The following TMOD2 variants were observed in gnomAD, a reference collection of about 807,000 sequenced individuals.
The protein encoded by TMOD2 is tropomodulin-2.
TMOD2 carries 22 observed loss-of-function variants against 39.9 expected under a neutral mutation model. That is an observed-to-expected ratio of 0.55 (90% CI 0.39 to 0.79). The LOEUF (loss-of-function observed/expected upper bound fraction) is 0.79. TMOD2 is among the 30% of genes least tolerant of loss of function. TMOD2 has a pLI of 0.00. For missense variants in TMOD2, 386 were observed against 413.3 expected, an observed-to-expected ratio of 0.93 and a Z score of 0.57; for synonymous variants, 123 against 146.1, an observed-to-expected ratio of 0.84 and a Z score of 1.14.
At chr15:51,763,073 TA>T (rs2055792152) in intron 1 of TMOD2, among the ~76,000 whole-genome samples, 2 of 151,530 alleles carry the variant, frequency 1.3e-5, no homozygotes, top group Non-Finnish European at 2.9e-5. Context: ...TAACTGGGAC[TA>T]CAGGCATGTG....
At chr15:51,775,458 A>G (rs12903781) in intron 4 of TMOD2, among the ~76,000 whole-genome samples, 19,567 of 152,116 alleles carry the variant, frequency 0.13, 1,614 homozygotes, top group East Asian at 0.26. Flanking sequence ...CTTGGTGAGC[A>G]TAGGGCCAGA....
chr15:51,798,471 GT>G, intron 8 of TMOD2, 131 bp downstream of exon 8: 1 of 1,145,762 alleles, frequency 8.7e-7, no homozygotes, highest in Non-Finnish European at 1.2e-6. Context: ...TTTCCTGTAA[GT>G]TTTAGAACCA....
At chr15:51,767,425 A>G (rs1262236030) in intron 2 of TMOD2, among the ~76,000 whole-genome samples, 1 of 152,234 alleles carries the variant, frequency 6.6e-6, no homozygotes, top group African/African-American at 2.4e-5. Context: ...GACTGACTAT[A>G]ATCATGATAC....
chr15:51,759,171 G>A (rs189472787), intron 1 of TMOD2, among the ~76,000 whole-genome samples: 3 of 151,498 alleles, frequency 2.0e-5, no homozygotes, highest in Admixed American at 6.6e-5. Context: ...GTGATTGATG[G>A]CTGGAAAAGA....
rs954306860 is a variant in TMOD2 at position 51,811,466 on chromosome 15, A to G, written c.*3012A>G. 6.6e-6 allele frequency: 1 copy of G among 152,156 alleles called. No individual in the cohort carries two copies. The highest frequency in any genetic ancestry group is 1.5e-5 in the Non-Finnish European group (1 of 68,032). 9.4% of individuals were successfully genotyped at this position (152,156 alleles called of 1,614,324 possible). ...CACTCACCTGGACTTGTGGGCTTGT[A>G]TCACCAACATCTATTATGGCACATG... On this transcript the variant is annotated 3_prime_UTR_variant, in exon 10 of 10. Coordinates refer to ENST00000249700, the MANE Select transcript of TMOD2 (RefSeq NM_014548.4).
chr15:51,774,246 A>G (rs1328845690), intron 4 of TMOD2, among the ~76,000 whole-genome samples: 1 of 152,264 alleles, frequency 6.6e-6, no homozygotes, highest in Non-Finnish European at 1.5e-5. Flanking sequence ...TAAGAAGTCC[A>G]TTAGCCTTCT....
intron 5 of TMOD2, 90 bp from the exon 6 acceptor site, chr15:51,780,954 C>A: frequency 2.0e-6 from 2 of 1,025,422 alleles, no homozygotes; most frequent in Non-Finnish European, 2.9e-6. Context: ...TTGGAATCAG[C>A]ATATGAAAGA....
intron 8 of TMOD2, among the ~76,000 whole-genome samples, chr15:51,802,915 G>C (rs2056099136): frequency 2.0e-5 from 3 of 152,158 alleles, no homozygotes; most frequent in Non-Finnish European, 4.4e-5. Flanking sequence ...AAAGAGATAA[G>C]CCTTAAACTT....
At chr15:51,775,766 C>CG (rs765095582) in intron 4 of TMOD2, among the ~76,000 whole-genome samples, 10 of 151,694 alleles carry the variant, frequency 6.6e-5, no homozygotes, top group African/African-American at 2.4e-4. Context: ...TTTGTAGAGA[C>CG]GGGGCTTCGC....
intron 6 of TMOD2, 39 bp downstream of exon 6, chr15:51,781,213 A>G (rs763970917): frequency 3.8e-6 from 6 of 1,562,010 alleles, no homozygotes; most frequent in African/African-American, 1.4e-5. Context: ...TTAATTTATC[A>G]TGAGGTCAGA....
chr15:51,776,070 G>C (rs78565107), intron 4 of TMOD2, among the ~76,000 whole-genome samples: 18,884 of 152,152 alleles, frequency 0.12, 1,529 homozygotes, highest in Admixed American at 0.24. Context: ...CAGGATTCTT[G>C]ACTGCTCCCA....
chr15:51,754,818 A>G lies in TMOD2; in HGVS notation c.-70+3106A>G, dbSNP rs143933345. Among the ~76,000 whole-genome samples, 21 of 152,340 alleles carry G rather than the reference A, an allele frequency of 1.4e-4. 1 individual carries two copies. The highest frequency in any genetic ancestry group is 5.9e-4 in the Admixed American group (9 of 15,304). ...GGATGTAAATGGGGTGGGAATGTCC[A>G]TAGGATGTGATATGTAATGTTTCCC... On this transcript the variant is annotated intron_variant, in intron 1 of 9. Transcript: ENST00000249700.
chr15:51,784,811 A>C (rs955163333), intron 7 of TMOD2: 1 of 152,206 alleles, frequency 6.6e-6, no homozygotes, highest in Non-Finnish European at 1.5e-5. Flanking sequence ...TAAATGAATA[A>C]AGGGATAAAG....
At chr15:51,807,863 C>G (rs545138784) in intron 9 of TMOD2, among the ~76,000 whole-genome samples, 1 of 152,306 alleles carries the variant, frequency 6.6e-6, no homozygotes, top group African/African-American at 2.4e-5. Flanking sequence ...AAACGGCAGT[C>G]TCGGCAACTT....
chr15:51,757,401 CAAAAAAAAAAAAAAA>C (rs3078133), intron 1 of TMOD2, among the ~76,000 whole-genome samples: 1 of 81,906 alleles, frequency 1.2e-5, no homozygotes, highest in South Asian at 4.6e-4. Context: ...GACTCCGTCT[CAAAAAAAAAAAAAAA>C]AAAAAAAAGC....
rs1199074741 is a variant in TMOD2, at chr15:51,809,179, T to TAAC, written c.*727_*729dup. On this transcript the variant is annotated 3_prime_UTR_variant, in exon 10 of 10. Transcript: ENST00000249700. ...GACTATTCAACATAAATTGAATCTT[T>TAAC]AACATGACTTTAAAGGCTATTTACA... 6.6e-6 allele frequency: 1 copy of TAAC among 152,670 alleles called. No homozygotes were observed. Among genetic ancestry groups the TAAC allele is most frequent in the East Asian group, 1.9e-4 (1 of 5,202 alleles). 9.5% of individuals were successfully genotyped at this position (152,670 alleles called of 1,614,324 possible). A position where few individuals can be genotyped will look rare whatever the true frequency, so the allele number is the denominator to read the frequency against.
chr15:51,798,379 G>C, intron 8 of TMOD2, 39 bp downstream of exon 8: 1 of 1,604,626 alleles, frequency 6.2e-7, no homozygotes, highest in East Asian at 2.2e-5. Flanking sequence ...CAACTCACAG[G>C]GTGTGCAGTG....
intron 3 of TMOD2, among the ~76,000 whole-genome samples, chr15:51,768,954 A>T (rs1462664791): frequency 6.6e-6 from 1 of 152,240 alleles, no homozygotes; most frequent in South Asian, 2.1e-4. Context: ...GGCCAAACCC[A>T]TAAGATGTGT....
chr15:51,788,689 T>TG (rs1427762846), intron 7 of TMOD2, among the ~76,000 whole-genome samples: 1 of 151,676 alleles, frequency 6.6e-6, no homozygotes. Context: ...GCCAGAAGAG[T>TG]GGGGGCCAAT....
Sources: gnomAD v4.1 joint callset for allele counts (sites outside exome capture counted in the v4.1 genomes callset) on GRCh38, gnomAD v4.1.1 for gene constraint, MANE v1.5 for transcripts, NCBI Gene and HGNC (gene_info 2026-07-23, HGNC 2026-07-21) for gene names.